BRD3: variants seen among roughly 807,000 people sequenced by gnomAD.
BRD3 encodes bromodomain-containing protein 3.
Under a neutral mutation model 66.8 loss-of-function variants are expected in BRD3, and 17 were observed. The observed-to-expected ratio is 0.25, with a 90% CI of 0.17 to 0.38. The LOEUF (loss-of-function observed/expected upper bound fraction) is 0.38, where lower values mean the gene tolerates loss of function less well. Among genes scored for constraint, BRD3 ranks in the 10% least tolerant of loss-of-function variants. The pLI, the probability that BRD3 is intolerant of heterozygous loss-of-function variation, is 1.00. For synonymous variants in BRD3, 421 were observed against 393.2 expected, an observed-to-expected ratio of 1.07 and a Z score of -0.84; for missense variants, 713 against 956.1, an observed-to-expected ratio of 0.75 and a Z score of 3.35.
In BRD3 at chr9:134,053,519, G is replaced by C; in HGVS notation, c.-42C>G. The C allele has an allele frequency of 6.6e-7, 1 of 1,524,734 alleles. No homozygotes were observed. The highest frequency in any genetic ancestry group is 1.4e-5 in the African/African-American group (1 of 73,526). 94.5% of individuals were successfully genotyped at this position (1,524,734 alleles called of 1,614,324 possible). A position where few individuals can be genotyped will look rare whatever the true frequency, so the allele number is the denominator to read the frequency against. The stretch of plus-strand genomic sequence containing the variant: ...CACTTTCTGTCACAGCAGCGGCTTG[G>C]AGAGGCCCTGGCTGCTTCTACGCTC... On this transcript the variant is annotated 5_prime_UTR_variant, in exon 2 of 12. Transcript: ENST00000303407.
chr9:134,058,006 G>A (rs972204695), intron 1 of BRD3: 1 of 152,356 alleles, frequency 6.6e-6, no homozygotes, highest in African/African-American at 2.4e-5. Context: ...GGCCCTGCGA[G>A]AGGGAGGCAT....
chr9:134,049,420 G>GCCA (rs1207568448), intron 5 of BRD3, among the ~76,000 whole-genome samples: 2 of 152,226 alleles, frequency 1.3e-5, no homozygotes, highest in Non-Finnish European at 1.5e-5. Context: ...TCACTGCCCA[G>GCCA]CCAAGCCGCC....
chr9:134,053,809 G>C (rs763810812), intron 1 of BRD3: 7 of 328,000 alleles, frequency 2.1e-5, no homozygotes, highest in Non-Finnish European at 3.9e-5. Flanking sequence ...ACTGCTCTCA[G>C]GCACGGGAGG....
In BRD3 at chr9:134,041,910, G is replaced by A. The variant is rs1199105351; in HGVS notation, c.1257C>T (p.Pro419=). ...GGGCAGGCAGCGCCGGTGCCTCCAC[G>A]GGCTCATCTGGCATCTTGGCAAACC... ...EMRFAKMPDE[P]VEAPALPAPA... is the part of the protein sequence containing the mutation. Residue 419 remains proline, a synonymous_variant, in exon 8 of 12, where the codon CCC becomes CCT. Transcript: ENST00000303407. 10 of 1,606,022 alleles carry A rather than the reference G, an allele frequency of 6.2e-6. No homozygotes were observed. The East Asian group carries it at 6.7e-5, about 11-fold the overall frequency.
chr9:134,058,622 G>A (rs1186785978), intron 1 of BRD3: 2 of 152,248 alleles, frequency 1.3e-5, no homozygotes, highest in Non-Finnish European at 2.9e-5. Flanking sequence ...AGCAAGGGAA[G>A]CCTTTTCCCG....
rs188136801 is a variant in BRD3 at position 134,033,004 on chromosome 9, C to G, written c.*586G>C. Reference sequence around the variant, plus strand: ...GAACGCACATCCCACCCGACCACCCCCCAAGGGCTCCACGCTCCGGGCTGG... The same window carrying G: ...GAACGCACATCCCACCCGACCACCCGCCAAGGGCTCCACGCTCCGGGCTGG... On this transcript the variant is annotated 3_prime_UTR_variant, in exon 12 of 12. Transcript: ENST00000303407. This position sits in a 1 kb window ranked among gnomAD's most constrained non-coding sequence, Gnocchi z 5.1. 1 of 397,818 alleles carries G rather than the reference C, an allele frequency of 2.5e-6. No homozygotes were observed. The highest frequency in any genetic ancestry group is 4.4e-6 in the Non-Finnish European group (1 of 225,986). The allele number at this position is 397,818 out of a possible 1,614,324, so 24.6% of individuals were successfully genotyped here. A position where few individuals can be genotyped will look rare whatever the true frequency, so the allele number is the denominator to read the frequency against.
At chr9:134,063,454 C>T (rs1830585561) in intron 1 of BRD3, among the ~76,000 whole-genome samples, 1 of 152,196 alleles carries the variant, frequency 6.6e-6, no homozygotes, top group Admixed American at 6.5e-5. Context: ...CATTTTGCTC[C>T]TTGTGGGATT....
rs1357113536 is a variant in BRD3, at chr9:134,033,248, C to G, written c.*342G>C. ...AAAAATTCTTTCTCGAGCTATCGAC[C>G]AGGTTGGGCCTAAGCAAAGGGATTC... On this transcript the variant is annotated 3_prime_UTR_variant, in exon 12 of 12. Transcript: ENST00000303407. This position sits in a 1 kb window ranked among gnomAD's most constrained non-coding sequence, Gnocchi z 5.1. The G allele has an allele frequency of 2.5e-6, 1 of 402,990 alleles. No individual in the cohort carries two copies. The highest frequency in any genetic ancestry group is 2.1e-5 in the African/African-American group (1 of 48,684). The allele number at this position is 402,990 out of a possible 1,614,324, so 25.0% of individuals were successfully genotyped here.
At position 134,032,828 on chromosome 9, in the gene BRD3, A is replaced by C. The variant is rs912905686; in HGVS notation, c.*762T>G. 3.7e-6 allele frequency: 1 copy of C among 271,732 alleles called. No homozygotes were observed. The highest frequency in any genetic ancestry group is 6.7e-6 in the Non-Finnish European group (1 of 148,554). 16.8% of individuals were successfully genotyped at this position (271,732 alleles called of 1,614,324 possible). On this transcript the variant is annotated 3_prime_UTR_variant, in exon 12 of 12. Coordinates refer to ENST00000303407, the MANE Select transcript of BRD3 (RefSeq NM_007371.4). ...TCCGTAGAAAATTGCCGAACCTTAC[A>C]AAAAAAGTCTCCTTTTTTTTTTTTT...
At chr9:134,068,203 C>A (rs1830714278), upstream of BRD3, 1 of 145,316 alleles carries the variant, frequency 6.9e-6, no homozygotes, top group South Asian at 2.1e-4. Flanking sequence ...GCCCCGCCGA[C>A]CCGGCCGAGA....
intron 5 of BRD3, 37 bp downstream of exon 5, chr9:134,050,337 C>A (rs1345532251): frequency 1.9e-6 from 3 of 1,586,498 alleles, no homozygotes; most frequent in African/African-American, 2.7e-5. Flanking sequence ...CCTGGCCGGG[C>A]TCAGGTGCCC....
At position 134,067,499 on chromosome 9, in the gene BRD3, C is replaced by T. The variant is rs144185314; in HGVS notation, c.-114+446G>A. 3.4e-3 allele frequency among the ~76,000 whole-genome samples: 511 copies of T among 148,660 alleles called. 1 individual carries two copies. Among genetic ancestry groups the T allele is most frequent in the African/African-American group, 0.011 (473 of 41,186 alleles). The stretch of plus-strand genomic sequence containing the variant: ...CCGGGGCCGCCGCGCGCACCTTCCC[C>T]CTCCGCGTCCTCCCTGGGTTCCCCC... On this transcript the variant is annotated intron_variant, in intron 1 of 11. Transcript: ENST00000303407.
At chr9:134,049,876 G>A (rs1420424553) in intron 5 of BRD3, among the ~76,000 whole-genome samples, 1 of 152,182 alleles carries the variant, frequency 6.6e-6, no homozygotes, top group East Asian at 1.9e-4. Context: ...CCCACTCCCT[G>A]CCAAGACCAA....
intron 1 of BRD3, among the ~76,000 whole-genome samples, chr9:134,064,975 T>C (rs1830618198): frequency 6.6e-6 from 1 of 152,242 alleles, no homozygotes; most frequent in Admixed American, 6.5e-5. Flanking sequence ...TACCTGTGCA[T>C]CTCTTCTGCT....
intron 1 of BRD3, among the ~76,000 whole-genome samples, chr9:134,061,488 G>A (rs1348459971): frequency 6.6e-6 from 1 of 152,192 alleles, no homozygotes; most frequent in Non-Finnish European, 1.5e-5. Flanking sequence ...TGGGAGACAG[G>A]AGCACTGGAA....
intron 6 of BRD3, 109 bp downstream of exon 6, chr9:134,047,974 A>G: frequency 7.2e-7 from 1 of 1,391,036 alleles, no homozygotes; most frequent in Non-Finnish European, 9.4e-7. Context: ...TTCTCCGGCA[A>G]GCGAGACCCT....
intron 7 of BRD3, among the ~76,000 whole-genome samples, chr9:134,042,401 C>T (rs558850209): frequency 6.6e-6 from 1 of 152,304 alleles, no homozygotes; most frequent in African/African-American, 2.4e-5. Flanking sequence ...TGCAGCATCA[C>T]ATCTCATGAA....
At position 134,053,601 on chromosome 9, in the gene BRD3, G is replaced by A; in HGVS notation, c.-113-11C>T. ...CCAACCAGGCGACAGCTGCAGAGGA[G>A]GAAGCACAACAGAGAGGAAGGCCAG... On this transcript the variant is annotated splice_polypyrimidine_tract_variant and intron_variant, in intron 1 of 11. Coordinates refer to ENST00000303407, the MANE Select transcript of BRD3 (RefSeq NM_007371.4). 2 of 1,442,874 alleles carry A rather than the reference G, an allele frequency of 1.4e-6. No homozygotes were observed. The highest frequency in any genetic ancestry group is 1.5e-5 in the South Asian group (1 of 68,534). The allele number at this position is 1,442,874 out of a possible 1,614,324, so 89.4% of individuals were successfully genotyped here.
chr9:134,061,154 T>G (rs1303028772), intron 1 of BRD3, among the ~76,000 whole-genome samples: 2 of 152,196 alleles, frequency 1.3e-5, no homozygotes, highest in Non-Finnish European at 2.9e-5. Context: ...GCATGTCGCC[T>G]GGGCAGCACA....
Sources: allele counts gnomAD v4.1 joint callset (sites outside exome capture counted in the v4.1 genomes callset), GRCh38; gene constraint gnomAD v4.1.1; non-coding constraint Gnocchi (gnomAD v3.1); transcripts MANE v1.5; gene names NCBI Gene and HGNC (gene_info 2026-07-23, HGNC 2026-07-21).